EYA2: variants seen among roughly 807,000 people sequenced by gnomAD.
EYA2 encodes EYA transcriptional coactivator and phosphatase 2.
EYA2 carries 31 observed loss-of-function variants against 69.2 expected under a neutral mutation model. That is an observed-to-expected ratio of 0.45 (90% CI 0.34 to 0.60). The LOEUF (loss-of-function observed/expected upper bound fraction) is 0.60, where lower values mean the gene tolerates loss of function less well. Among genes scored for constraint, EYA2 ranks in the 20% least tolerant of loss-of-function variants. The probability of loss-of-function intolerance (pLI) is 0.02; values close to 1 mark genes in which losing one functional copy is unlikely to be tolerated. For synonymous variants in EYA2, 257 were observed against 279.4 expected (o/e 0.92, Z 0.80); for missense variants, 622 against 701.2 (o/e 0.89, Z 1.28).
intron 10 of EYA2, among the ~76,000 whole-genome samples, chr20:47,156,123 CACACATATATATATATAT>C (rs1568814133): frequency 1.7e-4 from 4 of 23,966 alleles, no homozygotes; most frequent in African/African-American, 6.2e-4. Context: ...CACACACACA[CACACATATATATATATAT>C]ATATATATAT....
At chr20:47,135,758 G>T (rs531363248) in intron 9 of EYA2, among the ~76,000 whole-genome samples, 1 of 137,430 alleles carries the variant, frequency 7.3e-6, no homozygotes, top group African/African-American at 2.7e-5. Flanking sequence ...GAGGCAGGAG[G>T]ATCACTTGAG....
intron 2 of EYA2, among the ~76,000 whole-genome samples, chr20:46,994,323 G>T (rs1428975917): frequency 1.3e-5 from 2 of 152,186 alleles, no homozygotes; most frequent in East Asian, 1.9e-4. Context: ...ATGATTCAAG[G>T]GAAAAATGGA....
intron 1 of EYA2, among the ~76,000 whole-genome samples, chr20:46,952,902 ACT>A (rs906982008): frequency 9.2e-5 from 14 of 152,128 alleles, no homozygotes; most frequent in Non-Finnish European, 1.3e-4. Context: ...GCCCAGGGAA[ACT>A]CTCTATCAGG....
At chr20:47,091,576 C>CA (rs11313572) in intron 8 of EYA2, among the ~76,000 whole-genome samples, 1,014 of 83,108 alleles carry the variant, frequency 0.012, 11 homozygotes, top group African/African-American at 0.018. Flanking sequence ...CCATCTCTAC[C>CA]AAAAAAAAAA....
intron 9 of EYA2, among the ~76,000 whole-genome samples, chr20:47,129,295 G>T (rs1235279043): frequency 1.3e-5 from 2 of 152,300 alleles, no homozygotes; most frequent in East Asian, 3.9e-4. Context: ...GTTTAAAACT[G>T]CAACAGAGTA....
intron 9 of EYA2, among the ~76,000 whole-genome samples, chr20:47,114,851 C>T (rs929894853): frequency 3.9e-5 from 6 of 152,148 alleles, no homozygotes; most frequent in African/African-American, 9.7e-5. Flanking sequence ...GGCACTTCTC[C>T]GCCACTCTCC....
chr20:47,094,659 T>C (rs1275674417), intron 8 of EYA2, among the ~76,000 whole-genome samples: 1 of 152,196 alleles, frequency 6.6e-6, no homozygotes, highest in Non-Finnish European at 1.5e-5. Context: ...TTCTCAACAC[T>C]AGCTACAGAG....
intron 13 of EYA2, among the ~76,000 whole-genome samples, 187 bp downstream of exon 13, chr20:47,180,099 C>G (rs2034510189): frequency 2.0e-5 from 3 of 152,058 alleles, no homozygotes; most frequent in Admixed American, 2.0e-4. Context: ...GTAGCGTGAT[C>G]TCGGCTCATC....
At chr20:47,156,965 A>C (rs943511631) in intron 10 of EYA2, among the ~76,000 whole-genome samples, 7 of 151,936 alleles carry the variant, frequency 4.6e-5, no homozygotes, top group African/African-American at 1.7e-4. Context: ...ACAGCAGGAG[A>C]GTTTGAGAAA....
chr20:46,963,249 G>A (rs548697875), intron 1 of EYA2, among the ~76,000 whole-genome samples: 36 of 152,292 alleles, frequency 2.4e-4, no homozygotes, highest in Admixed American at 1.2e-3. Context: ...CTGCTCCTAG[G>A]GAGCCCTCAT....
At chr20:47,015,033 T>C (rs927867224) in intron 4 of EYA2, among the ~76,000 whole-genome samples, 1 of 152,198 alleles carries the variant, frequency 6.6e-6, no homozygotes, top group Non-Finnish European at 1.5e-5. Flanking sequence ...TACTCCTGTT[T>C]ATATTTTAAA....
At chr20:47,104,631 C>A (rs565945339) in intron 9 of EYA2, among the ~76,000 whole-genome samples, 3 of 152,262 alleles carry the variant, frequency 2.0e-5, no homozygotes, top group African/African-American at 7.2e-5. Context: ...AGGGGTGCAA[C>A]CTCATTGTTT....
chr20:46,932,275 C>T (rs1985704459), intron 1 of EYA2, among the ~76,000 whole-genome samples: 1 of 152,098 alleles, frequency 6.6e-6, no homozygotes, highest in Admixed American at 6.5e-5. Flanking sequence ...TGGTCATGCT[C>T]ACCTTCCAGT....
chr20:47,007,886 C>T (rs1267368841), intron 4 of EYA2, among the ~76,000 whole-genome samples: 1 of 152,062 alleles, frequency 6.6e-6, no homozygotes, highest in African/African-American at 2.4e-5. Flanking sequence ...TCTCTGCTTC[C>T]CAAAGTGCTA....
At chr20:47,089,463 C>G in intron 8 of EYA2, 82 bp downstream of exon 8, 1 of 1,470,816 alleles carries the variant, frequency 6.8e-7, no homozygotes, top group Non-Finnish European at 9.2e-7. Flanking sequence ...GAGTTTTCTC[C>G]AAGTACGAGG....
At chr20:47,132,985 C>T (rs2033379189) in intron 9 of EYA2, among the ~76,000 whole-genome samples, 1 of 152,126 alleles carries the variant, frequency 6.6e-6, no homozygotes, top group African/African-American at 2.4e-5. Flanking sequence ...CGCAAACACC[C>T]GTTTTTGCTT....
chr20:47,187,327 T>A (rs1183666071), intron 15 of EYA2, among the ~76,000 whole-genome samples: 1 of 151,226 alleles, frequency 6.6e-6, no homozygotes, highest in African/African-American at 2.4e-5. Context: ...AGAGATCATG[T>A]CACTGCACTC....
At chr20:47,097,377 C>T (rs150890441) in intron 9 of EYA2, among the ~76,000 whole-genome samples, 20 of 152,312 alleles carry the variant, frequency 1.3e-4, no homozygotes, top group African/African-American at 4.6e-4. Context: ...GTCTTCCATG[C>T]CTTTTCTTCC....
At chr20:46,928,725 G>A (rs761552788) in intron 1 of EYA2, among the ~76,000 whole-genome samples, 3 of 152,246 alleles carry the variant, frequency 2.0e-5, no homozygotes, top group Admixed American at 6.5e-5. Flanking sequence ...CGCTTGGATT[G>A]TCGATGTAAC....
Sources: allele counts gnomAD v4.1 joint callset (sites outside exome capture counted in the v4.1 genomes callset), GRCh38; gene constraint gnomAD v4.1.1; transcripts MANE v1.5; gene names NCBI Gene and HGNC (gene_info 2026-07-23, HGNC 2026-07-21).